UNC80: variants seen among roughly 807,000 people sequenced by gnomAD.
The protein encoded by UNC80 is protein unc-80 homolog.
Under a neutral mutation model 384.6 loss-of-function variants are expected in UNC80, and 164 were observed. That is an observed-to-expected ratio of 0.43 (90% CI 0.38 to 0.49). The LOEUF (loss-of-function observed/expected upper bound fraction) is 0.49, where lower values mean the gene tolerates loss of function less well. Among genes scored for constraint, UNC80 ranks in the 20% least tolerant of loss-of-function variants. UNC80 has a pLI of 0.00. For missense variants in UNC80, 3,330 were observed against 4,143.0 expected, an observed-to-expected ratio of 0.80 and a Z score of 5.39; for synonymous variants, 1,486 against 1,527.8, an observed-to-expected ratio of 0.97 and a Z score of 0.64.
In UNC80 at chr2:209,964,961, TAAA is replaced by T. The variant is rs1163377436; in HGVS notation, c.7806-2472_7806-2470del. On this transcript the variant is annotated intron_variant, in intron 51 of 64. Transcript: ENST00000673920. ...AAACTGACTGAATATTTGGGTTTTT[TAAA>T]AAAGAATTATTTTTAATTTGTTAAA... 2.6e-5 allele frequency among the ~76,000 whole-genome samples: 4 copies of T among 152,298 alleles called. No homozygotes were observed. The East Asian group carries it at 7.7e-4, about 29-fold the overall frequency.
In UNC80 at chr2:209,933,825, G is replaced by A; in HGVS notation, c.5998G>A (p.Gly2000Arg). ...TSHILFNYLV[G>R]LIMYFVRTPC... ...CTCTTCTTATACTGACTTCTAGGTAGGATTAATCATGTACTTTGTGCGGAC... is the reference window on the plus strand; with the variant it reads ...CTCTTCTTATACTGACTTCTAGGTAAGATTAATCATGTACTTTGTGCGGAC... The change falls in exon 39 of 65, where the codon GGA becomes AGA. Residue 2000 changes from glycine to arginine, a missense_variant. This residue lies in a region of UNC80 where 1,049 missense variants were observed against 1,488.6 expected (regional missense o/e 0.70). Coordinates refer to ENST00000673920, the MANE Select transcript of UNC80 (RefSeq NM_001371986.1). 1 of 1,550,020 alleles carries A rather than the reference G, an allele frequency of 6.5e-7. No individual in the cohort carries two copies. Among genetic ancestry groups the A allele is most frequent in the Non-Finnish European group, 8.7e-7 (1 of 1,146,164 alleles).
At chr2:209,944,922 A>G (rs1323032970) in intron 45 of UNC80, 129 bp from the exon 46 acceptor site, 6 of 1,088,848 alleles carry the variant, frequency 5.5e-6, no homozygotes, top group Non-Finnish European at 6.5e-6. Flanking sequence ...ATCCAGAATT[A>G]TGTAAGCTGA....
chr2:209,829,112 T>TG, intron 14 of UNC80, 120 bp from the exon 15 acceptor site: 1 of 1,211,072 alleles, frequency 8.3e-7, no homozygotes, highest in East Asian at 2.6e-5. Flanking sequence ...GGGTTGCCTG[T>TG]CACCAGCGAG....
At chr2:209,841,145 A>C (rs934184088) in intron 20 of UNC80, among the ~76,000 whole-genome samples, 1 of 152,190 alleles carries the variant, frequency 6.6e-6, no homozygotes, top group Non-Finnish European at 1.5e-5. Context: ...GAAGCACTGG[A>C]GTAACGTAAG....
At chr2:209,803,419 T>C (rs1385871703) in intron 7 of UNC80, among the ~76,000 whole-genome samples, 4 of 152,200 alleles carry the variant, frequency 2.6e-5, no homozygotes, top group African/African-American at 4.8e-5. Flanking sequence ...TAAATCAGAT[T>C]TGGGGAAAGG....
chr2:209,849,151 A>G (rs528697280), intron 21 of UNC80, among the ~76,000 whole-genome samples: 2 of 152,272 alleles, frequency 1.3e-5, no homozygotes, highest in South Asian at 2.1e-4. Context: ...ATAATTTTAA[A>G]TACACCAAAA....
intron 5 of UNC80, among the ~76,000 whole-genome samples, chr2:209,788,065 A>G (rs985791877): frequency 2.0e-5 from 3 of 152,262 alleles, no homozygotes; most frequent in Non-Finnish European, 2.9e-5. Flanking sequence ...TCTTGTTTTT[A>G]ACCAAAAATA....
rs758327059 is a variant in UNC80, at chr2:209,967,430, A to T, written c.7806-7A>T. 5.4e-5 allele frequency: 83 copies of T among 1,543,684 alleles called. No individual in the cohort carries two copies. Among genetic ancestry groups the T allele is most frequent in the South Asian group, 1.4e-4 (12 of 83,524 alleles). On this transcript the variant is annotated splice_region_variant and splice_polypyrimidine_tract_variant and intron_variant, in intron 51 of 64. Coordinates refer to ENST00000673920, the MANE Select transcript of UNC80 (RefSeq NM_001371986.1). ...TTAAAATATATATACATATATATAT[A>T]TTTTAGGTTGGCAGAAATTGCACAC...
chr2:209,972,977 A>C, intron 55 of UNC80, 87 bp from the exon 56 acceptor site: 2 of 1,265,490 alleles, frequency 1.6e-6, no homozygotes, highest in Non-Finnish European at 1.1e-6. Context: ...GGACTTGGAA[A>C]GAGCTGAGTT....
At position 209,921,541 on chromosome 2, in the gene UNC80, G is replaced by A. The variant is rs1167833553; in HGVS notation, c.5385G>A (p.Arg1795=). 1 of 1,551,514 alleles carries A rather than the reference G, an allele frequency of 6.4e-7. No homozygotes were observed. Among genetic ancestry groups the A allele is most frequent in the African/African-American group, 1.4e-5 (1 of 73,010 alleles). ...GGGCTGTGTCCCGCTCCCATCAAAG[G>A]GCAGAACACATCTTAAAGAACTTGC... The part of the protein sequence containing the change: ...SARAVSRSHQ[R]AEHILKNLQQ... The change falls in exon 34 of 65, where the codon AGG becomes AGA. Residue 1795 remains arginine (R), a synonymous_variant. Coordinates refer to ENST00000673920, the MANE Select transcript of UNC80 (RefSeq NM_001371986.1).
intron 47 of UNC80, among the ~76,000 whole-genome samples, chr2:209,952,340 AG>A (rs1238002417): frequency 6.6e-6 from 1 of 152,202 alleles, no homozygotes; most frequent in Non-Finnish European, 1.5e-5. Context: ...CAATTGTGGT[AG>A]GGCAGATCAT....
In UNC80 at chr2:209,817,897, G is replaced by A. The variant is rs555760812; in HGVS notation, c.1638G>A (p.Leu546=). ...SARHSHSHHT[L]VSDLPDPSNS... ...GGCATTCCCACTCCCATCACACCCTGGTAAGCGACCTGCCGGACCCCTCCA... is the reference window on the plus strand; with the variant it reads ...GGCATTCCCACTCCCATCACACCCTAGTAAGCGACCTGCCGGACCCCTCCA... The change falls in exon 11 of 65, where the codon CTG becomes CTA. Residue 546 remains leucine (L), a synonymous_variant. Transcript: ENST00000673920. 5 of 1,551,622 alleles carry A rather than the reference G, an allele frequency of 3.2e-6. No homozygotes were observed. In the South Asian group the frequency reaches 3.6e-5, roughly 11 times the overall value.
rs75230120 is a variant in UNC80, at chr2:209,943,494, G to T, written c.7030G>T (p.Ala2344Ser). ...PFVLQLFASV[A>S]PLLEFPDAAN... ...TGTGCTCCAGCTGTTTGCTAGTGTG[G>T]CCCCTCTCCTGGAATTTCCTGTAAG... The change falls in exon 45 of 65, where the codon GCC (alanine) becomes TCC (serine). Residue 2344 changes from alanine (A) to serine (S), a missense_variant. By Grantham distance (99) the Ala-to-Ser change is moderately conservative (BLOSUM62 1). Coordinates refer to ENST00000673920, the MANE Select transcript of UNC80 (RefSeq NM_001371986.1). The T allele has an allele frequency of 1.9e-6, 3 of 1,551,514 alleles. No homozygotes were observed. Among genetic ancestry groups the T allele is most frequent in the African/African-American group, 2.7e-5 (2 of 72,990 alleles).
chr2:209,891,169 T>C (rs940442570), intron 26 of UNC80, among the ~76,000 whole-genome samples: 1 of 152,294 alleles, frequency 6.6e-6, no homozygotes, highest in African/African-American at 2.4e-5. Context: ...GGAATAGATA[T>C]ACATTGGGAA....
In UNC80 at chr2:209,881,092, G is replaced by C; in HGVS notation, c.4108G>C (p.Val1370Leu). ...GCCCAGACCTCGCACTGAGCCTCTG[G>C]TGGTAAGTTAAAGCATGCAAGTTAA... is the stretch of plus-strand genomic sequence containing the variant. ...CLPRPRTEPLVDLESCRLRLD... is the reference protein window; with the variant it reads ...CLPRPRTEPLLDLESCRLRLD... Residue 1370 changes from valine to leucine, a missense_variant and splice_region_variant, in exon 25 of 65, where the codon GTG (valine) becomes CTG (leucine). Physicochemically the swap from Val to Leu is conservative, Grantham distance 32. Coordinates refer to ENST00000673920, the MANE Select transcript of UNC80 (RefSeq NM_001371986.1). The C allele has an allele frequency of 6.4e-7, 1 of 1,551,620 alleles. No individual in the cohort carries two copies. The highest frequency in any genetic ancestry group is 2.0e-5 in the Admixed American group (1 of 50,998).
chr2:209,939,419 A>T, intron 42 of UNC80, 53 bp from the exon 43 acceptor site: 2 of 1,478,560 alleles, frequency 1.4e-6, no homozygotes, highest in African/African-American at 1.4e-5. Flanking sequence ...CAGTCTATAA[A>T]TCTGGAGTTT....
At chr2:209,984,793 CTTTTTTCT>C in intron 60 of UNC80, 55 bp from the exon 61 acceptor site, 1 of 1,461,700 alleles carries the variant, frequency 6.8e-7, no homozygotes, top group Non-Finnish European at 9.1e-7. Context: ...TGCCTTTTTT[CTTTTTTCT>C]TTTTTTTTTT....
chr2:209,789,614 A>G lies in UNC80; in HGVS notation c.798+9A>G. 6.3e-7 allele frequency: 1 copy of G among 1,599,914 alleles called. No individual in the cohort carries two copies. The highest frequency in any genetic ancestry group is 8.6e-7 in the Non-Finnish European group (1 of 1,167,664). Reference sequence around the variant, plus strand: ...ATGCAAGACACTTAGAGGTTAGTTTATTATAATCATAAGAAGAAGGGAGGC... The same window carrying G: ...ATGCAAGACACTTAGAGGTTAGTTTGTTATAATCATAAGAAGAAGGGAGGC... On this transcript the variant is annotated intron_variant, in intron 6 of 64. Coordinates refer to ENST00000673920, the MANE Select transcript of UNC80 (RefSeq NM_001371986.1).
chr2:209,824,967 G>A (rs1392347031), intron 13 of UNC80, among the ~76,000 whole-genome samples: 1 of 152,150 alleles, frequency 6.6e-6, no homozygotes, highest in African/African-American at 2.4e-5. Flanking sequence ...GAAGTAGGAA[G>A]GGCAGCTATT....
Sources: allele counts gnomAD v4.1 joint callset (sites outside exome capture counted in the v4.1 genomes callset), GRCh38; gene constraint gnomAD v4.1.1; regional missense constraint gnomAD v4.1.1; transcripts MANE v1.5; gene names NCBI Gene and HGNC (gene_info 2026-07-23, HGNC 2026-07-21).